Variants in WWOX observed in about 807,000 individuals in gnomAD.
The protein encoded by WWOX is WW domain containing oxidoreductase.
A neutral mutation model predicts 46.2 loss-of-function variants in WWOX; 69 were observed. The ratio of observed to expected loss-of-function variants is 1.49; its 90% CI spans 1.23 to 1.82. The LOEUF (loss-of-function observed/expected upper bound fraction) is 1.82. WWOX is among the 40% of genes most tolerant of loss of function. WWOX has a pLI of 0.00. For missense variants in WWOX, 919 were observed against 542.6 expected, an observed-to-expected ratio of 1.69 and a Z score of -6.89; for synonymous variants, 359 against 202.6, an observed-to-expected ratio of 1.77 and a Z score of -6.56.
intron 8 of WWOX, among the ~76,000 whole-genome samples, chr16:78,587,657 G>T (rs1319132071): frequency 1.3e-5 from 2 of 152,118 alleles, no homozygotes; most frequent in African/African-American, 4.8e-5. Context: ...TTGGGTGTGG[G>T]GAGTGGAGGG....
At chr16:78,691,350 T>A in intron 8 of WWOX, 1 of 694,424 alleles carries the variant, frequency 1.4e-6, no homozygotes, top group Non-Finnish European at 2.6e-6. Flanking sequence ...TAGCTTTATC[T>A]TATGACAAAG....
At chr16:78,273,326 C>CT (rs148927741) in intron 5 of WWOX, among the ~76,000 whole-genome samples, 7,964 of 152,220 alleles carry the variant, frequency 0.052, 302 homozygotes, top group Non-Finnish European at 0.075. Flanking sequence ...TTTCCCCAAG[C>CT]TGATCAGTGT....
intron 8 of WWOX, among the ~76,000 whole-genome samples, chr16:78,670,867 C>T (rs1247954613): frequency 1.3e-5 from 2 of 151,754 alleles, no homozygotes; most frequent in Non-Finnish European, 2.9e-5. Flanking sequence ...TGAATGTGAT[C>T]GTACTGGTTT....
chr16:78,917,015 A>T lies in WWOX; in HGVS notation c.1057-294593A>T, dbSNP rs575229682. On this transcript the variant is annotated intron_variant, in intron 8 of 8. Coordinates refer to ENST00000566780, the MANE Select transcript of WWOX (RefSeq NM_016373.4). Reference sequence around the variant, plus strand: ...TCAGCATTGGCACCATTTTGTGACAAGCTCACTCCTTGGGTCTTATGACAA... The same window carrying T: ...TCAGCATTGGCACCATTTTGTGACATGCTCACTCCTTGGGTCTTATGACAA... 9.2e-5 allele frequency among the ~76,000 whole-genome samples: 14 copies of T among 152,242 alleles called. No homozygotes were observed. In the South Asian group the frequency reaches 2.5e-3, roughly 27 times the overall value.
intron 8 of WWOX, among the ~76,000 whole-genome samples, chr16:79,194,983 A>G (rs906069320): frequency 1.2e-4 from 18 of 152,094 alleles, no homozygotes; most frequent in Admixed American, 1.0e-3. Flanking sequence ...TTCTACTACT[A>G]CCGCCACTGC....
At chr16:78,726,860 T>C (rs1421503435) in intron 8 of WWOX, among the ~76,000 whole-genome samples, 1 of 151,880 alleles carries the variant, frequency 6.6e-6, no homozygotes, top group Non-Finnish European at 1.5e-5. Context: ...ACAATGAGAG[T>C]TGAGGGGAGC....
chr16:78,794,267 C>T (rs980840459), intron 8 of WWOX, among the ~76,000 whole-genome samples: 1 of 152,158 alleles, frequency 6.6e-6, no homozygotes, highest in African/African-American at 2.4e-5. Flanking sequence ...TTGCTGCTTC[C>T]TTGATCTTGG....
chr16:78,980,517 T>C lies in WWOX; in HGVS notation c.1057-231091T>C, dbSNP rs184039211. Among the ~76,000 whole-genome samples the C allele has an allele frequency of 2.0e-4, 31 of 152,362 alleles. No individual in the cohort carries two copies. In the East Asian group the frequency reaches 2.9e-3, roughly 14 times the overall value. ...AAATTGACTGCCTGGCAATCCAGTC[T>C]CAATTAAAATACTAATAGTTTATTT... On this transcript the variant is annotated intron_variant, in intron 8 of 8. Transcript: ENST00000566780.
At chr16:78,786,896 C>G (rs781197533) in intron 8 of WWOX, among the ~76,000 whole-genome samples, 10 of 152,144 alleles carry the variant, frequency 6.6e-5, no homozygotes, top group Non-Finnish European at 1.0e-4. Context: ...GCCTGTAATC[C>G]CAACACTTTG....
chr16:78,304,214 C>T (rs1489616435), intron 5 of WWOX, among the ~76,000 whole-genome samples: 1 of 152,224 alleles, frequency 6.6e-6, no homozygotes, highest in Non-Finnish European at 1.5e-5. Flanking sequence ...ATCTGATTCT[C>T]ATCATTACTC....
At chr16:78,632,690 C>T (rs888925534) in intron 8 of WWOX, among the ~76,000 whole-genome samples, 9 of 151,164 alleles carry the variant, frequency 6.0e-5, no homozygotes, top group Non-Finnish European at 1.0e-4. Flanking sequence ...TCTCGAATAG[C>T]TGGGATTACA....
chr16:78,632,759 T>C (rs2046464859), intron 8 of WWOX, among the ~76,000 whole-genome samples: 1 of 151,644 alleles, frequency 6.6e-6, no homozygotes, highest in South Asian at 2.1e-4. Flanking sequence ...GATTTCTCCA[T>C]GTTGGTCAGA....
At chr16:78,984,972 T>C (rs2046755720) in intron 8 of WWOX, among the ~76,000 whole-genome samples, 1 of 152,104 alleles carries the variant, frequency 6.6e-6, no homozygotes, top group Non-Finnish European at 1.5e-5. Context: ...TATGGACAGA[T>C]ACTGGGCAAA....
At chr16:79,092,072 C>T (rs866090875) in intron 8 of WWOX, among the ~76,000 whole-genome samples, 1 of 152,076 alleles carries the variant, frequency 6.6e-6, no homozygotes, top group South Asian at 2.1e-4. Context: ...TGAGCCACCG[C>T]ACCGGGCCTC....
intron 8 of WWOX, among the ~76,000 whole-genome samples, chr16:79,055,734 A>G (rs185345945): frequency 2.0e-5 from 3 of 152,362 alleles, no homozygotes; most frequent in African/African-American, 4.8e-5. Flanking sequence ...TAATTTTTCT[A>G]TGTGACCTAT....
chr16:78,753,825 A>AATATATATATATATATAT (rs1159243014), intron 8 of WWOX, among the ~76,000 whole-genome samples: 1 of 21,352 alleles, frequency 4.7e-5, no homozygotes, highest in African/African-American at 9.8e-5. Flanking sequence ...AAAAAAAAAA[A>AATATATATATATATATAT]ATATATATAT....
chr16:78,399,818 T>G (rs1273934164), intron 6 of WWOX, among the ~76,000 whole-genome samples: 1 of 152,216 alleles, frequency 6.6e-6, no homozygotes, highest in African/African-American at 2.4e-5. Flanking sequence ...TGAGAAGCTG[T>G]GCTAAAACCA....
At chr16:78,134,510 C>T (rs1218949955) in intron 4 of WWOX, among the ~76,000 whole-genome samples, 1 of 152,068 alleles carries the variant, frequency 6.6e-6, no homozygotes, top group Non-Finnish European at 1.5e-5. Context: ...TTCTTTTATT[C>T]AGAGCACACC....
chr16:78,378,594 G>A (rs994864406), intron 5 of WWOX, among the ~76,000 whole-genome samples: 5 of 152,204 alleles, frequency 3.3e-5, no homozygotes, highest in Non-Finnish European at 5.9e-5. Flanking sequence ...AGTGAATAAT[G>A]TCATGTCAAT....
Sources: allele counts gnomAD v4.1 joint callset (sites outside exome capture counted in the v4.1 genomes callset), GRCh38; gene constraint gnomAD v4.1.1; transcripts MANE v1.5; gene names NCBI Gene and HGNC (gene_info 2026-07-23, HGNC 2026-07-21).